CD99L2: variants seen among roughly 807,000 people sequenced by gnomAD.
The protein encoded by CD99L2 is CD99 molecule like 2, also known as CD99 antigen-like protein 2.
A neutral mutation model predicts 27.3 loss-of-function variants in CD99L2; 24 were observed. That is an observed-to-expected ratio of 0.88 (90% CI 0.64 to 1.24). The LOEUF is 1.24. Among genes scored for constraint, CD99L2 ranks in the 50% most tolerant of loss-of-function variants. The pLI, the probability that CD99L2 is intolerant of heterozygous loss-of-function variation, is 0.00. For synonymous variants in CD99L2, 97 were observed against 87.9 expected (o/e 1.10, Z -0.58); for missense variants, 255 against 221.6 (o/e 1.15, Z -0.96).
chrX:150,798,221 GAA>G (rs2045841492), intron 4 of CD99L2, among the ~76,000 whole-genome samples: 1 of 18,623 alleles, frequency 5.4e-5, no homozygotes, highest in African/African-American at 3.0e-4. Context: ...AGGAAGGAAG[GAA>G]GGAAGGAAGG....
At chrX:150,897,933 G>A (rs1420055260) in intron 1 of CD99L2, among the ~76,000 whole-genome samples, 3 of 109,395 alleles carry the variant, frequency 2.7e-5, no homozygotes, top group Admixed American at 2.0e-4. Flanking sequence ...TCTAAGAAAC[G>A]TGCTTCCTTG....
At chrX:150,778,012 G>C (rs782350635) in intron 7 of CD99L2, among the ~76,000 whole-genome samples, 2 of 112,158 alleles carry the variant, frequency 1.8e-5, no homozygotes, top group East Asian at 5.6e-4. Context: ...ATGGAGAACA[G>C]ATGAATGCTG....
intron 1 of CD99L2, among the ~76,000 whole-genome samples, chrX:150,896,339 G>A (rs782571786): frequency 4.5e-5 from 5 of 110,513 alleles, no homozygotes; most frequent in African/African-American, 6.6e-5. Flanking sequence ...CGAAGGTTGC[G>A]GTGAGCCGAG....
chrX:150,826,102 T>C (rs1323511455), intron 2 of CD99L2, among the ~76,000 whole-genome samples: 1 of 111,698 alleles, frequency 9.0e-6, no homozygotes, highest in African/African-American at 3.3e-5. Flanking sequence ...GGCAGCCCTT[T>C]TGCCCCTTCT....
At chrX:150,877,184 T>A (rs369204344) in intron 1 of CD99L2, among the ~76,000 whole-genome samples, 2 of 107,952 alleles carry the variant, frequency 1.9e-5, no homozygotes, top group African/African-American at 6.7e-5. Context: ...AAACTATTGA[T>A]AGAATTTACT....
chrX:150,767,084 CCT>C lies in CD99L2; in HGVS notation c.*1948_*1949del, dbSNP rs1284388099. On this transcript the variant is annotated 3_prime_UTR_variant, in exon 11 of 11. Transcript: ENST00000370377. ...CACCATAAAGGTAAAGTGGACAACCCCTGAGGTCACGCTGTCCAGGTGGCGAC... is the reference window on the plus strand; with the variant it reads ...CACCATAAAGGTAAAGTGGACAACCCGAGGTCACGCTGTCCAGGTGGCGAC... 1 of 111,933 alleles carries C rather than the reference CCT, an allele frequency of 8.9e-6. No homozygotes were observed. The highest frequency in any genetic ancestry group is 3.3e-5 in the African/African-American group (1 of 30,749). 9.2% of individuals were successfully genotyped at this position (111,933 alleles called of 1,213,427 possible).
In CD99L2 at chrX:150,781,295, T is replaced by C. The variant is rs782082826; in HGVS notation, c.497-3813A>G. Among the ~76,000 whole-genome samples, 8 of 112,426 alleles carry C rather than the reference T, an allele frequency of 7.1e-5. No homozygotes were observed. The East Asian group carries it at 2.2e-3, about 31-fold the overall frequency. On this transcript the variant is annotated intron_variant, in intron 7 of 10. Coordinates refer to ENST00000370377, the MANE Select transcript of CD99L2 (RefSeq NM_031462.4). ...TTTAAAAATCACAAATATTTACAAA[T>C]ATATACTTGTGCATAGAAAAAGTAC... is the stretch of plus-strand genomic sequence containing the variant.
At chrX:150,897,172 A>G (rs2047625185) in intron 1 of CD99L2, among the ~76,000 whole-genome samples, 1 of 112,833 alleles carries the variant, frequency 8.9e-6, no homozygotes, top group Non-Finnish European at 1.9e-5. Flanking sequence ...TCCCAAAGGG[A>G]AAATGAAAAA....
intron 7 of CD99L2, among the ~76,000 whole-genome samples, chrX:150,778,737 G>C (rs1557419369): frequency 9.6e-6 from 1 of 104,243 alleles, no homozygotes; most frequent in Non-Finnish European, 1.9e-5. Flanking sequence ...GGAAAAATGA[G>C]GTTTGTTATG....
intron 1 of CD99L2, among the ~76,000 whole-genome samples, chrX:150,855,200 G>C (rs1557421700): frequency 1.8e-5 from 2 of 112,010 alleles, no homozygotes; most frequent in Non-Finnish European, 3.8e-5. Flanking sequence ...ACTTTATTTG[G>C]AAATAGGGTC....
chrX:150,819,144 G>A (rs923301099), intron 2 of CD99L2: 17 of 347,446 alleles, frequency 4.9e-5, no homozygotes, highest in Non-Finnish European at 9.4e-5. Context: ...TCTTTGGCAA[G>A]GTCAAAGAGG....
chrX:150,851,308 A>G lies in CD99L2; in HGVS notation c.68-20015T>C, dbSNP rs192474881. Among the ~76,000 whole-genome samples the G allele has an allele frequency of 7.3e-3, 815 of 112,017 alleles. 4 individuals carry two copies. Among genetic ancestry groups the G allele is most frequent in the Middle Eastern group, 0.019 (4 of 216 alleles). On this transcript the variant is annotated intron_variant, in intron 1 of 10. Transcript: ENST00000370377. ...ATGGGATTAGATAATATAGGACAAC[A>G]TCCACTTATTGAGGACCTAGCAAGG...
intron 2 of CD99L2, 34 bp downstream of exon 2, chrX:150,831,193 CTGTT>C: frequency 1.9e-6 from 2 of 1,027,740 alleles, no homozygotes; most frequent in Non-Finnish European, 2.7e-6. Flanking sequence ...TTAATCACTA[CTGTT>C]TGTTTTTAAT....
intron 1 of CD99L2, among the ~76,000 whole-genome samples, chrX:150,854,924 A>G (rs2046849617): frequency 9.2e-6 from 1 of 108,779 alleles, no homozygotes. Flanking sequence ...CCGGTGGTTC[A>G]CTGCAGCTGG....
intron 1 of CD99L2, among the ~76,000 whole-genome samples, chrX:150,848,118 C>CCT (rs1557421507): frequency 9.3e-6 from 1 of 107,309 alleles, no homozygotes; most frequent in African/African-American, 3.4e-5. Context: ...CAGGCCCCCC[C>CCT]CCCCTTGTAC....
rs2043317377 is a variant in CD99L2, at chrX:150,766,623, C to CTGAT, written c.*2407_*2410dup. ...TACAAATTTTCTCTGCCAAATTAAGCTGATAGAGATTGGCCACTTTCAACC... is the reference window on the plus strand; with the variant it reads ...TACAAATTTTCTCTGCCAAATTAAGCTGATTGATAGAGATTGGCCACTTTCAACC... On this transcript the variant is annotated 3_prime_UTR_variant, in exon 11 of 11. Coordinates refer to ENST00000370377, the MANE Select transcript of CD99L2 (RefSeq NM_031462.4). The CTGAT allele has an allele frequency of 8.9e-6, 1 of 112,111 alleles. No individual in the cohort carries two copies. Among genetic ancestry groups the CTGAT allele is most frequent in the Non-Finnish European group, 1.9e-5 (1 of 53,271 alleles). 9.2% of individuals were successfully genotyped at this position (112,111 alleles called of 1,213,427 possible). A position where few individuals can be genotyped will look rare whatever the true frequency, so the allele number is the denominator to read the frequency against.
chrX:150,794,401 TCA>T (rs1265422987), intron 6 of CD99L2, among the ~76,000 whole-genome samples: 1 of 112,242 alleles, frequency 8.9e-6, no homozygotes, highest in Admixed American at 9.4e-5. Context: ...TAGCTGTTCC[TCA>T]ACTCCGGACC....
At chrX:150,779,136 G>C (rs2045467682) in intron 7 of CD99L2, among the ~76,000 whole-genome samples, 1 of 112,121 alleles carries the variant, frequency 8.9e-6, no homozygotes. Context: ...AGGATTCCCA[G>C]CAACTTAAAT....
At chrX:150,782,806 C>T (rs1040202329) in intron 7 of CD99L2, among the ~76,000 whole-genome samples, 2 of 111,394 alleles carry the variant, frequency 1.8e-5, no homozygotes, top group African/African-American at 6.6e-5. Context: ...AAAGGCCCTA[C>T]CCTCCAAATA....
Sources: allele counts gnomAD v4.1 joint callset (sites outside exome capture counted in the v4.1 genomes callset), GRCh38; gene constraint gnomAD v4.1.1; transcripts MANE v1.5; gene names NCBI Gene and HGNC (gene_info 2026-07-23, HGNC 2026-07-21).